Variants in WDR48 observed in about 807,000 individuals in gnomAD.
WDR48 encodes WD repeat-containing protein 48.
A neutral mutation model predicts 94.0 loss-of-function variants in WDR48; 22 were observed. The ratio of observed to expected loss-of-function variants is 0.23; its 90% CI spans 0.17 to 0.33. WDR48 has a LOEUF of 0.33. Among genes scored for constraint, WDR48 ranks in the 10% least tolerant of loss-of-function variants. WDR48 has a pLI of 1.00. For synonymous variants in WDR48, 278 were observed against 280.5 expected, an observed-to-expected ratio of 0.99 and a Z score of 0.09; for missense variants, 541 against 813.8, an observed-to-expected ratio of 0.66 and a Z score of 4.08.
At chr3:39,085,119 C>T (rs559775642) in intron 13 of WDR48, among the ~76,000 whole-genome samples, 11 of 151,882 alleles carry the variant, frequency 7.2e-5, no homozygotes, top group Admixed American at 3.9e-4. Flanking sequence ...CCCAGCTATT[C>T]GGGAGGCTGA....
At chr3:39,073,999 AC>A (rs1340570303) in intron 7 of WDR48, among the ~76,000 whole-genome samples, 6 of 152,184 alleles carry the variant, frequency 3.9e-5, no homozygotes, top group Non-Finnish European at 7.4e-5. Context: ...CTGTTAAAGC[AC>A]CAGTTGCTGG....
chr3:39,081,349 C>T (rs925377830), intron 11 of WDR48, among the ~76,000 whole-genome samples: 2 of 152,204 alleles, frequency 1.3e-5, no homozygotes, highest in Non-Finnish European at 2.9e-5. Flanking sequence ...ACCATTTTTG[C>T]TCCCTGTGGG....
At chr3:39,080,975 C>A (rs1456192579) in intron 11 of WDR48, among the ~76,000 whole-genome samples, 3 of 152,110 alleles carry the variant, frequency 2.0e-5, no homozygotes, top group Non-Finnish European at 4.4e-5. Flanking sequence ...AGCTGCAGGA[C>A]CCAAAGTTGG....
intron 11 of WDR48, among the ~76,000 whole-genome samples, chr3:39,081,621 C>T (rs2034539096): frequency 6.6e-6 from 1 of 152,196 alleles, no homozygotes. Context: ...CACTTTGATA[C>T]TCTACCACAA....
chr3:39,083,599 G>A (rs1238261112), intron 11 of WDR48, among the ~76,000 whole-genome samples: 3 of 152,170 alleles, frequency 2.0e-5, no homozygotes, highest in African/African-American at 7.2e-5. Context: ...GGGGAAGGTG[G>A]CAAGGTCAGA....
chr3:39,087,029 T>C (rs1292831333), intron 14 of WDR48, among the ~76,000 whole-genome samples: 2 of 152,092 alleles, frequency 1.3e-5, no homozygotes, highest in African/African-American at 2.4e-5. Context: ...TAAAGACACA[T>C]GGGTATGGTC....
chr3:39,088,005 T>C, intron 14 of WDR48, 123 bp from the exon 15 acceptor site: 1 of 838,622 alleles, frequency 1.2e-6, no homozygotes. Flanking sequence ...TTTCTAACTC[T>C]GGTGGACTTA....
chr3:39,052,370 T>G, intron 1 of WDR48: 13 of 356,774 alleles, frequency 3.6e-5, no homozygotes, highest in East Asian at 6.9e-5. Context: ...GATAGGCTCG[T>G]TCCCCGCCCA....
Position 39,063,175 on chromosome 3 carries a change from T to G in WDR48, c.174T>G (p.Ser58Arg), listed in dbSNP as rs2033379945. 1 of 1,613,768 alleles carries G rather than the reference T, an allele frequency of 6.2e-7. No homozygotes were observed. Among genetic ancestry groups the G allele is most frequent in the Non-Finnish European group, 8.5e-7 (1 of 1,179,928 alleles). ...AGRDSIIRIW[S>R]VNQHKQDPYI... ...GAGACTCTATCATAAGAATATGGAGTGTCAATCAGCACAAGGTAATGCAGG... is the reference window on the plus strand; with the variant it reads ...GAGACTCTATCATAAGAATATGGAGGGTCAATCAGCACAAGGTAATGCAGG... The change falls in exon 2 of 19, where the codon AGT becomes AGG. Residue 58 changes from serine (S) to arginine (R), a missense_variant. Physicochemically the swap from Ser to Arg is moderately radical, Grantham distance 110. Coordinates refer to ENST00000302313, the MANE Select transcript of WDR48 (RefSeq NM_020839.4).
At chr3:39,062,142 A>C (rs1341058311) in intron 1 of WDR48, among the ~76,000 whole-genome samples, 1 of 152,076 alleles carries the variant, frequency 6.6e-6, no homozygotes, top group Non-Finnish European at 1.5e-5. Context: ...TTTTGTTGCC[A>C]TTGCTTTTGG....
At chr3:39,090,222 TAGTG>T (rs2035011997) in intron 16 of WDR48, 1 of 152,230 alleles carries the variant, frequency 6.6e-6, no homozygotes, top group African/African-American at 2.4e-5. Context: ...AACAAATTAA[TAGTG>T]AGGTTAAGCA....
At chr3:39,053,304 G>C (rs1454483745) in intron 1 of WDR48, among the ~76,000 whole-genome samples, 3 of 152,176 alleles carry the variant, frequency 2.0e-5, no homozygotes, top group Admixed American at 1.3e-4. Context: ...TTAGATGAAG[G>C]GGTCCTTCAG....
At chr3:39,067,996 A>T (rs940140352) in intron 5 of WDR48, among the ~76,000 whole-genome samples, 2 of 152,328 alleles carry the variant, frequency 1.3e-5, no homozygotes, top group South Asian at 4.1e-4. Flanking sequence ...AAGCAAAAAA[A>T]AAAAAGCAGG....
chr3:39,066,211 C>T (rs1380575083), intron 3 of WDR48, among the ~76,000 whole-genome samples: 7 of 152,154 alleles, frequency 4.6e-5, no homozygotes, highest in African/African-American at 1.2e-4. Context: ...CTTATTAATA[C>T]CTCTTTTTGT....
At chr3:39,082,290 T>TG (rs1305465781) in intron 11 of WDR48, among the ~76,000 whole-genome samples, 2 of 148,350 alleles carry the variant, frequency 1.3e-5, no homozygotes, top group African/African-American at 2.5e-5. Flanking sequence ...TTTTTTTTTC[T>TG]TTTTTTTTTG....
rs1000146311 is a variant in WDR48 at position 39,094,824 on chromosome 3, C to A, written c.*81C>A. 3.9e-6 allele frequency: 6 copies of A among 1,543,028 alleles called. No individual in the cohort carries two copies. The highest frequency in any genetic ancestry group is 5.3e-6 in the Non-Finnish European group (6 of 1,139,878). Reference sequence around the variant, plus strand: ...AGTAGTCCTAGGAAGCCCACTGATCCCCAACGGGAGCAAGACTTCTAACGG... The same window carrying A: ...AGTAGTCCTAGGAAGCCCACTGATCACCAACGGGAGCAAGACTTCTAACGG... On this transcript the variant is annotated 3_prime_UTR_variant, in exon 19 of 19. Coordinates refer to ENST00000302313, the MANE Select transcript of WDR48 (RefSeq NM_020839.4).
intron 15 of WDR48, among the ~76,000 whole-genome samples, chr3:39,088,950 G>T (rs2034951915): frequency 6.6e-6 from 1 of 152,162 alleles, no homozygotes; most frequent in African/African-American, 2.4e-5. Flanking sequence ...GACCTTTACT[G>T]GGTGCTTTGC....
chr3:39,077,004 T>G, intron 8 of WDR48, 135 bp from the exon 9 acceptor site: 1 of 884,342 alleles, frequency 1.1e-6, no homozygotes, highest in Non-Finnish European at 1.8e-6. Context: ...CTGTGCATCC[T>G]TAGTTTTTCA....
chr3:39,072,911 AT>A (rs964168146), intron 7 of WDR48, among the ~76,000 whole-genome samples: 52 of 152,292 alleles, frequency 3.4e-4, no homozygotes, highest in African/African-American at 1.2e-3. Context: ...TAGAATACTG[AT>A]TACCATCAGA....
Sources: allele counts gnomAD v4.1 joint callset (sites outside exome capture counted in the v4.1 genomes callset), GRCh38; gene constraint gnomAD v4.1.1; transcripts MANE v1.5; gene names NCBI Gene and HGNC (gene_info 2026-07-23, HGNC 2026-07-21).